CRHBP: variants seen among roughly 807,000 people sequenced by gnomAD.
CRHBP encodes corticotropin-releasing hormone-binding protein.
Under a neutral mutation model 34.9 loss-of-function variants are expected in CRHBP, and 19 were observed. That is an observed-to-expected ratio of 0.55 (90% CI 0.38 to 0.80). The LOEUF (loss-of-function observed/expected upper bound fraction) is 0.80. Among genes scored for constraint, CRHBP ranks in the 30% least tolerant of loss-of-function variants. CRHBP has a pLI of 0.00. For synonymous variants in CRHBP, 154 were observed against 153.4 expected (o/e 1.00, Z -0.03); for missense variants, 328 against 409.2 (o/e 0.80, Z 1.71).
chr5:76,954,963 C>T (rs1349632772), intron 3 of CRHBP, among the ~76,000 whole-genome samples: 2 of 152,158 alleles, frequency 1.3e-5, no homozygotes. Flanking sequence ...GGTAATTTTG[C>T]TAATGTGGAC....
rs552780747 is a variant in CRHBP, at chr5:76,961,463, A to C, written c.694-1880A>C. ...CCTGGACATCCTCTACTCAAGGGAAAGGCAATTAAAGTTTTTTTCCTTTAC... is the reference window on the plus strand; with the variant it reads ...CCTGGACATCCTCTACTCAAGGGAACGGCAATTAAAGTTTTTTTCCTTTAC... On this transcript the variant is annotated intron_variant, in intron 5 of 6. Transcript: ENST00000274368. Among the ~76,000 whole-genome samples, 57 of 152,334 alleles carry C rather than the reference A, an allele frequency of 3.7e-4. 1 individual carries two copies. The highest frequency in any genetic ancestry group is 6.0e-4 in the Non-Finnish European group (41 of 68,032).
At chr5:76,958,634 G>C (rs1214824603) in intron 4 of CRHBP, 107 bp from the exon 5 acceptor site, 1 of 1,250,856 alleles carries the variant, frequency 8.0e-7, no homozygotes, top group Non-Finnish European at 1.1e-6. Flanking sequence ...CTGGGCAGAA[G>C]GCCCTAGATC....
chr5:76,965,471 C>G (rs1261530819), intron 6 of CRHBP, among the ~76,000 whole-genome samples: 1 of 152,186 alleles, frequency 6.6e-6, no homozygotes, highest in Non-Finnish European at 1.5e-5. Context: ...TTTAAACTGT[C>G]AGTGCATGCG....
At chr5:76,964,379 C>T (rs1745828484) in intron 6 of CRHBP, among the ~76,000 whole-genome samples, 1 of 152,212 alleles carries the variant, frequency 6.6e-6, no homozygotes, top group Non-Finnish European at 1.5e-5. Context: ...AATGAAGCTG[C>T]AAAGCAGACA....
intron 2 of CRHBP, among the ~76,000 whole-genome samples, chr5:76,975,021 A>C (rs912823078): frequency 1.3e-5 from 2 of 152,234 alleles, no homozygotes; most frequent in African/African-American, 4.8e-5. Flanking sequence ...GTCAACATTA[A>C]GACATACAGT....
intron 5 of CRHBP, among the ~76,000 whole-genome samples, chr5:76,962,011 C>T (rs1375442597): frequency 6.6e-6 from 1 of 152,294 alleles, no homozygotes; most frequent in East Asian, 1.9e-4. Flanking sequence ...GCCTTGGCCT[C>T]CCAAAGTGCT....
In CRHBP at chr5:76,953,325, C is replaced by T. The variant is rs187387311; in HGVS notation, c.81+110C>T. ...TTGGGGTTCGCTGTTTCTTCCCTCTCTGCTGGATGCTGTCTTGCCCCTGGT... is the reference window on the plus strand; with the variant it reads ...TTGGGGTTCGCTGTTTCTTCCCTCTTTGCTGGATGCTGTCTTGCCCCTGGT... On this transcript the variant is annotated intron_variant, in intron 1 of 6. Transcript: ENST00000274368. 8.9e-6 allele frequency: 9 copies of T among 1,010,726 alleles called. No homozygotes were observed. The Admixed American group carries it at 1.8e-4, about 21-fold the overall frequency. The allele number at this position is 1,010,726 out of a possible 1,614,324, so 62.6% of individuals were successfully genotyped here.
chr5:76,955,577 C>T (rs1441690092), intron 3 of CRHBP, 76 bp from the exon 4 acceptor site: 53 of 1,343,290 alleles, frequency 3.9e-5, no homozygotes, highest in East Asian at 1.2e-4. Context: ...GGATGACTTT[C>T]CCCCCCTTTT....
chr5:76,956,933 A>C (rs1745680452), intron 4 of CRHBP, among the ~76,000 whole-genome samples: 1 of 152,172 alleles, frequency 6.6e-6, no homozygotes, highest in African/African-American at 2.4e-5. Flanking sequence ...GTTCTGAAAA[A>C]ACAAAAGAAT....
At chr5:76,970,501 A>G (rs889394479), downstream of CRHBP, among the ~76,000 whole-genome samples, 1 of 128,882 alleles carries the variant, frequency 7.8e-6, no homozygotes, top group African/African-American at 3.0e-5. Flanking sequence ...ATGAGTGACT[A>G]CTTTAGCAAA....
At chr5:76,971,697 C>T (rs1187228693), downstream of CRHBP, among the ~76,000 whole-genome samples, 1 of 152,222 alleles carries the variant, frequency 6.6e-6, no homozygotes. Flanking sequence ...GCTCCAGGAC[C>T]AATCCTGACC....
rs749947547 is a variant in CRHBP, at chr5:76,954,078, C to A, written c.225C>A (p.Asp75Glu). ...SLQGQFTFTA[D>E]RPQLHCAAFF... ...AGGGCCAGTTCACCTTCACCGCCGA[C>A]CGGCCGCAGCTGCACTGCGCAGCCT... The change falls in exon 3 of 7, where the codon GAC (aspartate) becomes GAA (glutamate). Residue 75 changes from aspartate (D) to glutamate (E), a missense_variant. Coordinates refer to ENST00000274368, the MANE Select transcript of CRHBP (RefSeq NM_001882.4). 1 of 1,613,994 alleles carries A rather than the reference C, an allele frequency of 6.2e-7. No homozygotes were observed. The highest frequency in any genetic ancestry group is 1.3e-5 in the African/African-American group (1 of 75,060).
intron 5 of CRHBP, among the ~76,000 whole-genome samples, chr5:76,959,243 C>T (rs769774646): frequency 1.2e-4 from 18 of 152,312 alleles, no homozygotes; most frequent in Non-Finnish European, 2.2e-4. Flanking sequence ...GAGTCATCTA[C>T]ACAGCTGTTT....
At position 76,955,428 on chromosome 5, in the gene CRHBP, T is replaced by G. The variant is rs570860145; in HGVS notation, c.334-225T>G. 7.2e-5 allele frequency among the ~76,000 whole-genome samples: 11 copies of G among 152,330 alleles called. No homozygotes were observed. The South Asian group carries it at 1.9e-3, about 26-fold the overall frequency. On this transcript the variant is annotated intron_variant, in intron 3 of 6. Transcript: ENST00000274368. Reference sequence around the variant, plus strand: ...AAAGTATAAGGAAGTTTACTTACTTTGGAAGCTTTAAGGCTTATAAAAAAT... The same window carrying G: ...AAAGTATAAGGAAGTTTACTTACTTGGGAAGCTTTAAGGCTTATAAAAAAT...
In CRHBP at chr5:76,953,702, G is replaced by T; in HGVS notation, c.175+8G>T. The T allele has an allele frequency of 6.2e-7, 1 of 1,602,530 alleles. No individual in the cohort carries two copies. The highest frequency in any genetic ancestry group is 8.5e-7 in the Non-Finnish European group (1 of 1,174,410). On this transcript the variant is annotated splice_region_variant and intron_variant, in intron 2 of 6. Coordinates refer to ENST00000274368, the MANE Select transcript of CRHBP (RefSeq NM_001882.4). ...CGTACCGCCGCGCTCTGCGTGAGTC[G>T]AGGCTGCCCGGCTCGCGGGCGCCCG...
chr5:76,967,987 G>A lies in CRHBP; in HGVS notation c.812-741G>A, dbSNP rs142223880. Reference sequence around the variant, plus strand: ...GCTGGGATTACAGGCATGAGCCACCGTGCCCAGCTGAATAAGATTGGATTT... The same window carrying A: ...GCTGGGATTACAGGCATGAGCCACCATGCCCAGCTGAATAAGATTGGATTT... On this transcript the variant is annotated intron_variant, in intron 6 of 6. Coordinates refer to ENST00000274368, the MANE Select transcript of CRHBP (RefSeq NM_001882.4). Among the ~76,000 whole-genome samples, 1,198 of 152,048 alleles carry A rather than the reference G, an allele frequency of 7.9e-3. 20 individuals carry two copies. Among genetic ancestry groups the A allele is most frequent in the African/African-American group, 0.028 (1,150 of 41,478 alleles).
intron 3 of CRHBP, among the ~76,000 whole-genome samples, chr5:76,978,382 C>A (rs1287930373): frequency 6.6e-6 from 1 of 152,146 alleles, no homozygotes; most frequent in East Asian, 1.9e-4. Flanking sequence ...AGAAGCCAAG[C>A]TCATGTACCA....
intron 2 of CRHBP, among the ~76,000 whole-genome samples, chr5:76,975,958 G>A (rs1309859612): frequency 4.3e-5 from 6 of 137,996 alleles, no homozygotes; most frequent in African/African-American, 1.6e-4. Flanking sequence ...ATATATGCGT[G>A]TATATATATA....
downstream of CRHBP, among the ~76,000 whole-genome samples, chr5:76,971,754 G>A (rs947386564): frequency 6.6e-6 from 1 of 152,164 alleles, no homozygotes; most frequent in Non-Finnish European, 1.5e-5. Flanking sequence ...TTCTGGTCAT[G>A]AGCAAATTGT....
Sources: allele counts gnomAD v4.1 joint callset (sites outside exome capture counted in the v4.1 genomes callset), GRCh38; gene constraint gnomAD v4.1.1; transcripts MANE v1.5; gene names NCBI Gene and HGNC (gene_info 2026-07-23, HGNC 2026-07-21).